Variants in HMGXB4 observed in about 807,000 individuals in gnomAD.
HMGXB4 encodes the protein HMG-box containing 4.
In HMGXB4, 27 loss-of-function variants were observed where a neutral mutation model predicts 63.9. That is an observed-to-expected ratio of 0.42 (90% CI 0.31 to 0.58). The LOEUF (loss-of-function observed/expected upper bound fraction) is 0.58, where lower values mean the gene tolerates loss of function less well. Ranked by LOEUF, HMGXB4 falls within the 20% of genes least tolerant of loss-of-function variation. The probability of loss-of-function intolerance (pLI) is 0.13; values close to 1 mark genes in which losing one functional copy is unlikely to be tolerated. For missense variants in HMGXB4, 624 were observed against 700.7 expected, an observed-to-expected ratio of 0.89 and a Z score of 1.24; for synonymous variants, 264 against 265.3, an observed-to-expected ratio of 0.99 and a Z score of 0.05.
intron 5 of HMGXB4, among the ~76,000 whole-genome samples, chr22:35,271,605 A>G (rs1204771307): frequency 1.3e-5 from 2 of 152,228 alleles, no homozygotes; most frequent in Non-Finnish European, 2.9e-5. Context: ...TGAGGATAAC[A>G]GACTTGCTTC....
At chr22:35,274,551 A>G (rs968369252) in intron 5 of HMGXB4, among the ~76,000 whole-genome samples, 10 of 152,186 alleles carry the variant, frequency 6.6e-5, no homozygotes, top group African/African-American at 7.2e-5. Flanking sequence ...CAAGAACCCA[A>G]TGAGGTGTAG....
intron 1 of HMGXB4, among the ~76,000 whole-genome samples, chr22:35,260,807 T>C (rs1421845568): frequency 6.6e-6 from 1 of 152,226 alleles, no homozygotes; most frequent in Non-Finnish European, 1.5e-5. Context: ...TGTATGTACA[T>C]TGTATTTTAT....
upstream of HMGXB4, among the ~76,000 whole-genome samples, chr22:35,255,487 C>G (rs991775379): frequency 2.0e-5 from 3 of 152,202 alleles, no homozygotes; most frequent in African/African-American, 7.2e-5. Flanking sequence ...TGCACTCCAG[C>G]CTGGGTGACA....
the HMGXB4 span, among the ~76,000 whole-genome samples, chr22:35,247,737 GGTTTGTTT>G: frequency 1.3e-3 from 197 of 151,766 alleles, 1 homozygote; most frequent in African/African-American, 4.1e-3. Context: ...TTTTTTTGCT[GGTTTGTTT>G]GTTTGTTTGT....
intron 9 of HMGXB4, among the ~76,000 whole-genome samples, chr22:35,289,169 G>A (rs1055727908): frequency 2.0e-5 from 3 of 151,258 alleles, no homozygotes; most frequent in African/African-American, 4.8e-5. Context: ...AAAGAAAAAC[G>A]CAGTGGTGGC....
In HMGXB4 at chr22:35,294,852, G is replaced by C. The variant is rs993189656; in HGVS notation, c.*1201G>C. 6.6e-6 allele frequency: 1 copy of C among 150,420 alleles called. No individual in the cohort carries two copies. The highest frequency in any genetic ancestry group is 2.5e-5 in the African/African-American group (1 of 40,720). 9.3% of individuals were successfully genotyped at this position (150,420 alleles called of 1,614,324 possible). On this transcript the variant is annotated 3_prime_UTR_variant, in exon 11 of 11. Coordinates refer to ENST00000216106, the MANE Select transcript of HMGXB4 (RefSeq NM_001003681.3). ...TTCCCTCTTTCCTTCCTTCCTCCTG[G>C]TCTGTTCCAAAAACTCTGAATCATC...
chr22:35,276,377 A>G (rs1923913916), intron 5 of HMGXB4, among the ~76,000 whole-genome samples: 1 of 152,194 alleles, frequency 6.6e-6, no homozygotes, highest in Admixed American at 6.5e-5. Context: ...AAATTACCTT[A>G]GCTACAAACG....
At chr22:35,267,669 A>G (rs931693898) in intron 5 of HMGXB4, among the ~76,000 whole-genome samples, 6 of 152,102 alleles carry the variant, frequency 3.9e-5, no homozygotes, top group African/African-American at 1.4e-4. Flanking sequence ...GTCAACCCAA[A>G]CTCAAAACTG....
chr22:35,272,172 G>A (rs1324552480), intron 5 of HMGXB4, among the ~76,000 whole-genome samples: 5 of 152,114 alleles, frequency 3.3e-5, no homozygotes, highest in East Asian at 1.9e-4. Flanking sequence ...AAGAGGGGGC[G>A]GCTATGTTGG....
At position 35,278,641 on chromosome 22, in the gene HMGXB4, AT is replaced by A. The variant is rs889734316; in HGVS notation, c.1216-5312del. ...GGTCTGGGGCTTTTAAATTTTATGT[AT>A]TTTTTTTTAATATTATTTTTTTTTA... On this transcript the variant is annotated intron_variant, in intron 5 of 10. Transcript: ENST00000216106. 4.1e-4 allele frequency among the ~76,000 whole-genome samples: 58 copies of A among 140,104 alleles called. 1 individual carries two copies. The South Asian group carries it at 4.8e-3, about 12-fold the overall frequency. The allele number at this position is 140,104 out of a possible 152,430, so 91.9% of individuals were successfully genotyped here.
At chr22:35,283,203 T>C (rs1418110702) in intron 5 of HMGXB4, among the ~76,000 whole-genome samples, 1 of 152,104 alleles carries the variant, frequency 6.6e-6, no homozygotes, top group African/African-American at 2.4e-5. Context: ...ATGAGGGAAA[T>C]TACAAGATTA....
chr22:35,250,659 A>G, the HMGXB4 span, among the ~76,000 whole-genome samples: 1 of 102,016 alleles, frequency 9.8e-6, no homozygotes, highest in African/African-American at 2.5e-5. Context: ...TTGGTTCCAA[A>G]TGACAGAGGA....
chr22:35,265,098 T>G lies in HMGXB4; in HGVS notation c.710T>G (p.Leu237Arg). ...CGGGATGAGCAGGGTGCTTTACTCCTAGGACATGAGTTACAGAGCTTTCTG... is the reference window on the plus strand; with the variant it reads ...CGGGATGAGCAGGGTGCTTTACTCCGAGGACATGAGTTACAGAGCTTTCTG... ...SARDEQGALL[L>R]GHELQSFLKT... is the part of the protein sequence containing the mutation. Residue 237 changes from leucine (L) to arginine (R), a missense_variant, in exon 5 of 11, where the codon CTA becomes CGA. Physicochemically the swap from Leu to Arg is moderately radical, Grantham distance 102. This residue lies in a region of HMGXB4 where 472 missense variants were observed against 470.6 expected (regional missense o/e 1.00). Transcript: ENST00000216106. 6.2e-7 allele frequency: 1 copy of G among 1,614,160 alleles called. No individual in the cohort carries two copies. Among genetic ancestry groups the G allele is most frequent in the Non-Finnish European group, 8.5e-7 (1 of 1,180,002 alleles).
At chr22:35,279,699 T>TTTTTTTTTTTTTTTTTTTTTTG (rs144948164) in intron 5 of HMGXB4, among the ~76,000 whole-genome samples, 1 of 108,154 alleles carries the variant, frequency 9.2e-6, no homozygotes, top group Non-Finnish European at 2.0e-5. Context: ...TTTTTTTTTT[T>TTTTTTTTTTTTTTTTTTTTTTG]GGCATGTGGA....
intron 6 of HMGXB4, among the ~76,000 whole-genome samples, chr22:35,285,523 C>T (rs7291630): frequency 0.062 from 9,354 of 151,914 alleles, 377 homozygotes; most frequent in African/African-American, 0.11. Context: ...CCAGCCTGGG[C>T]GACAGAGCGA....
At chr22:35,265,810 G>A (rs948973877) in intron 5 of HMGXB4, among the ~76,000 whole-genome samples, 3 of 146,632 alleles carry the variant, frequency 2.0e-5, no homozygotes, top group Non-Finnish European at 3.0e-5. Flanking sequence ...TTTTTGAGAT[G>A]GAGTCTCGCT....
rs73420617 is a variant in HMGXB4, at chr22:35,271,389, C to T, written c.1215+5786C>T. 8.1e-3 allele frequency among the ~76,000 whole-genome samples: 1,230 copies of T among 152,204 alleles called. 10 individuals carry two copies. Among genetic ancestry groups the T allele is most frequent in the African/African-American group, 0.028 (1,150 of 41,518 alleles). On this transcript the variant is annotated intron_variant, in intron 5 of 10. Transcript: ENST00000216106. ...ACCCCTTCTACCTTAGATTCTAGGA[C>T]CAGGACTCTAATAAAAATAGAGAAG...
chr22:35,290,734 C>A (rs961137815), intron 9 of HMGXB4, among the ~76,000 whole-genome samples: 1 of 151,416 alleles, frequency 6.6e-6, no homozygotes, highest in Non-Finnish European at 1.5e-5. Context: ...TTGCATAGAT[C>A]TCTGCAATTT....
upstream of HMGXB4, among the ~76,000 whole-genome samples, chr22:35,256,278 T>C (rs916729296): frequency 6.6e-6 from 1 of 152,202 alleles, no homozygotes; most frequent in African/African-American, 2.4e-5. Flanking sequence ...CAGAGGTTCT[T>C]AATTTTTTAT....
Sources: gnomAD v4.1 joint callset for allele counts (sites outside exome capture counted in the v4.1 genomes callset) on GRCh38, gnomAD v4.1.1 for gene constraint, gnomAD v4.1.1 regional missense constraint, MANE v1.5 for transcripts, NCBI Gene and HGNC (gene_info 2026-07-23, HGNC 2026-07-21) for gene names.